The following FIGN variants were observed in gnomAD, a reference collection of about 807,000 sequenced individuals.
FIGN encodes fidgetin.
Under a neutral mutation model 51.3 loss-of-function variants are expected in FIGN, and 11 were observed. That is an observed-to-expected ratio of 0.21 (90% CI 0.13 to 0.35). The LOEUF (loss-of-function observed/expected upper bound fraction) is 0.35, where lower values mean the gene tolerates loss of function less well. Among genes scored for constraint, FIGN ranks in the 10% least tolerant of loss-of-function variants. The probability of loss-of-function intolerance (pLI) is 1.00; values close to 1 mark genes in which losing one functional copy is unlikely to be tolerated. For missense variants in FIGN, 857 were observed against 943.6 expected (o/e 0.91, Z 1.20); for synonymous variants, 407 against 363.2 (o/e 1.12, Z -1.37).
chr2:163,713,722 A>G (rs1684623833), intron 2 of FIGN, among the ~76,000 whole-genome samples: 1 of 152,178 alleles, frequency 6.6e-6, no homozygotes, highest in African/African-American at 2.4e-5. Flanking sequence ...CCAGCATCTG[A>G]TGAGGACCAG....
chr2:163,727,545 T>C (rs1483089255), intron 2 of FIGN, among the ~76,000 whole-genome samples: 1 of 152,140 alleles, frequency 6.6e-6, no homozygotes, highest in Admixed American at 6.6e-5. Flanking sequence ...TTAGAAAGTC[T>C]CATATGTAGC....
chr2:163,674,452 G>A (rs868199759), intron 2 of FIGN, among the ~76,000 whole-genome samples: 6 of 152,242 alleles, frequency 3.9e-5, no homozygotes, highest in African/African-American at 1.2e-4. Context: ...AGAAAAACAT[G>A]GACAAAGATA....
intron 2 of FIGN, among the ~76,000 whole-genome samples, chr2:163,658,932 G>A (rs962627937): frequency 5.3e-5 from 8 of 152,228 alleles, no homozygotes; most frequent in East Asian, 3.9e-4. Flanking sequence ...TGCTGTGAGT[G>A]TTCTTGAACC....
chr2:163,684,678 A>G (rs974706005), intron 2 of FIGN, among the ~76,000 whole-genome samples: 1 of 152,240 alleles, frequency 6.6e-6, no homozygotes, highest in African/African-American at 2.4e-5. Context: ...TATGAACCAC[A>G]GGGCTTTATC....
intron 2 of FIGN, among the ~76,000 whole-genome samples, chr2:163,676,453 A>C (rs1434564619): frequency 1.2e-5 from 1 of 83,906 alleles, no homozygotes; most frequent in African/African-American, 4.2e-5. Context: ...ATATATATAT[A>C]TATATATATA....
intron 2 of FIGN, among the ~76,000 whole-genome samples, chr2:163,635,997 G>A (rs1683219292): frequency 6.6e-6 from 1 of 152,160 alleles, no homozygotes; most frequent in Non-Finnish European, 1.5e-5. Flanking sequence ...CACCATTTTT[G>A]AGAAGAGTCA....
chr2:163,701,442 C>T (rs149933322), intron 2 of FIGN, among the ~76,000 whole-genome samples: 1 of 152,292 alleles, frequency 6.6e-6, no homozygotes, highest in Non-Finnish European at 1.5e-5. Context: ...ACACACACTG[C>T]AACTACCAAA....
At chr2:163,624,025 GT>G (rs571586633) in intron 2 of FIGN, among the ~76,000 whole-genome samples, 5 of 148,886 alleles carry the variant, frequency 3.4e-5, no homozygotes, top group African/African-American at 4.9e-5. Context: ...ACATTAACAG[GT>G]TTTTTTTTTC....
intron 2 of FIGN, among the ~76,000 whole-genome samples, chr2:163,647,658 T>C (rs1052718897): frequency 6.6e-6 from 1 of 152,180 alleles, no homozygotes; most frequent in South Asian, 2.1e-4. Context: ...ACCTGATTAT[T>C]TTTCAGTAAC....
At chr2:163,643,983 C>T (rs888165946) in intron 2 of FIGN, among the ~76,000 whole-genome samples, 21 of 104,098 alleles carry the variant, frequency 2.0e-4, no homozygotes, top group Non-Finnish European at 3.6e-4. Context: ...CAAACCTAAA[C>T]GTGAGACCTA....
intron 2 of FIGN, among the ~76,000 whole-genome samples, chr2:163,650,777 CTGAG>C (rs1377913263): frequency 6.6e-6 from 1 of 152,186 alleles, no homozygotes; most frequent in Non-Finnish European, 1.5e-5. Context: ...AAGATTGCTT[CTGAG>C]TGAGATACTA....
At chr2:163,659,434 T>C (rs1484017149) in intron 2 of FIGN, among the ~76,000 whole-genome samples, 5 of 151,896 alleles carry the variant, frequency 3.3e-5, no homozygotes. Flanking sequence ...GGCAGTGCCA[T>C]GGTGATCAAA....
At chr2:163,650,885 TACA>T (rs1683462309) in intron 2 of FIGN, among the ~76,000 whole-genome samples, 1 of 152,198 alleles carries the variant, frequency 6.6e-6, no homozygotes, top group Non-Finnish European at 1.5e-5. Flanking sequence ...GCCAGACAAG[TACA>T]TTCTAAATGA....
chr2:163,612,637 C>T (rs889553092), intron 2 of FIGN: 1 of 984,490 alleles, frequency 1.0e-6, no homozygotes, highest in South Asian at 4.7e-5. Flanking sequence ...CGTTCTCCCT[C>T]CTTCTCTTAT....
rs183740137 is a variant in FIGN, at chr2:163,678,548, T to C, written c.25+56355A>G. ...CATGTCATCTTAAGCTCCTCTAAAC[T>C]ATGAGAGCTTTCCAGACTTTCTTGT... On this transcript the variant is annotated intron_variant, in intron 2 of 2. Transcript: ENST00000333129. 5.0e-4 allele frequency among the ~76,000 whole-genome samples: 76 copies of C among 152,316 alleles called. 1 individual carries two copies. The South Asian group carries it at 0.016, about 31-fold the overall frequency.
chr2:163,661,980 A>G (rs1237024568), intron 2 of FIGN, among the ~76,000 whole-genome samples: 1 of 152,168 alleles, frequency 6.6e-6, no homozygotes, highest in East Asian at 1.9e-4. Flanking sequence ...AGAGTGAGAC[A>G]TTGCTTAAAA....
chr2:163,712,741 C>A (rs1048976736), intron 2 of FIGN, among the ~76,000 whole-genome samples: 1 of 152,014 alleles, frequency 6.6e-6, no homozygotes, highest in East Asian at 1.9e-4. Context: ...AATTCAAATA[C>A]AATGTTAATG....
intron 2 of FIGN, among the ~76,000 whole-genome samples, chr2:163,623,971 A>T (rs1683013646): frequency 6.6e-6 from 1 of 152,146 alleles, no homozygotes; most frequent in African/African-American, 2.4e-5. Flanking sequence ...TTACTAGAGT[A>T]CCCAAATGAC....
intron 2 of FIGN, among the ~76,000 whole-genome samples, chr2:163,728,863 A>G (rs2105367951): frequency 6.6e-6 from 1 of 152,272 alleles, no homozygotes; most frequent in Admixed American, 6.5e-5. Flanking sequence ...CTCACATTTT[A>G]ATTTTGCGCT....
Sources: allele counts gnomAD v4.1 joint callset (sites outside exome capture counted in the v4.1 genomes callset), GRCh38; gene constraint gnomAD v4.1.1; transcripts MANE v1.5; gene names NCBI Gene and HGNC (gene_info 2026-07-23, HGNC 2026-07-21).